Variants in CFAP54 observed in about 807,000 individuals in gnomAD.
The protein encoded by CFAP54 is cilia and flagella associated protein 54.
In CFAP54, 290 loss-of-function variants were observed where a neutral mutation model predicts 370.4. That is an observed-to-expected ratio of 0.78 (90% CI 0.71 to 0.86). The LOEUF is 0.86. Ranked by LOEUF, CFAP54 falls within the 40% of genes least tolerant of loss-of-function variation. The probability of loss-of-function intolerance (pLI) is 0.00; values close to 1 mark genes in which losing one functional copy is unlikely to be tolerated. For synonymous variants in CFAP54, 1,206 were observed against 1,236.5 expected, an observed-to-expected ratio of 0.98 and a Z score of 0.52; for missense variants, 3,399 against 3,528.7, an observed-to-expected ratio of 0.96 and a Z score of 0.93.
At chr12:96,548,512 A>G (rs1592845312) in intron 15 of CFAP54, among the ~76,000 whole-genome samples, 1 of 152,108 alleles carries the variant, frequency 6.6e-6, no homozygotes, top group South Asian at 2.1e-4. Context: ...GTCCTAAGAA[A>G]TGGTACCAGT....
chr12:96,679,771 ATC>A lies in CFAP54; in HGVS notation c.5716+23_5716+24del. The A allele has an allele frequency of 6.2e-7, 1 of 1,608,418 alleles. No homozygotes were observed. The highest frequency in any genetic ancestry group is 8.5e-7 in the Non-Finnish European group (1 of 1,176,794). On this transcript the variant is annotated intron_variant, in intron 40 of 67. Coordinates refer to ENST00000524981, the MANE Select transcript of CFAP54 (RefSeq NM_001306084.2). ...ACACAAGGTAAAATGCATGTTCTGT[ATC>A]TCTGAATCTTTCTTTATGTGGGGTG...
chr12:96,605,570 G>A (rs950862531), intron 26 of CFAP54, among the ~76,000 whole-genome samples: 4 of 152,230 alleles, frequency 2.6e-5, no homozygotes, highest in South Asian at 2.1e-4. Context: ...ATAGGCAAGA[G>A]TGTGGTCAGA....
intron 67 of CFAP54, among the ~76,000 whole-genome samples, chr12:96,863,440 G>T (rs1959928055): frequency 6.6e-6 from 1 of 152,098 alleles, no homozygotes; most frequent in Non-Finnish European, 1.5e-5. Flanking sequence ...AAAACATAAG[G>T]CAGTTAAATA....
intron 25 of CFAP54, among the ~76,000 whole-genome samples, chr12:96,598,018 CA>C (rs951092165): frequency 1.3e-5 from 2 of 151,802 alleles, no homozygotes; most frequent in African/African-American, 4.8e-5. Flanking sequence ...AATGTGCCCC[CA>C]AAGAACCAAC....
intron 14 of CFAP54, among the ~76,000 whole-genome samples, chr12:96,544,511 A>G (rs1316307911): frequency 6.6e-6 from 1 of 151,866 alleles, no homozygotes; most frequent in African/African-American, 2.4e-5. Flanking sequence ...AACTGAAAAT[A>G]TACTCTAATC....
At chr12:96,836,346 TAA>T (rs1959186183) in intron 66 of CFAP54, among the ~76,000 whole-genome samples, 1 of 152,196 alleles carries the variant, frequency 6.6e-6, no homozygotes, top group African/African-American at 2.4e-5. Context: ...CACTGAAATG[TAA>T]AAGTCATAAA....
At chr12:96,636,212 G>C (rs532656581) in intron 32 of CFAP54, among the ~76,000 whole-genome samples, 7 of 152,238 alleles carry the variant, frequency 4.6e-5, no homozygotes, top group Non-Finnish European at 7.4e-5. Flanking sequence ...GAAACCAGGG[G>C]ACAGGTACCA....
chr12:96,784,580 C>A, intron 60 of CFAP54, 137 bp from the exon 61 acceptor site: 1 of 584,918 alleles, frequency 1.7e-6, no homozygotes, highest in African/African-American at 1.9e-5. Flanking sequence ...CTGCATGATA[C>A]AAAAGACTTT....
rs564258099 is a variant in CFAP54, at chr12:96,495,463, T to C, written c.318-5371T>C. 1.5e-3 allele frequency among the ~76,000 whole-genome samples: 231 copies of C among 150,148 alleles called. 1 individual carries two copies. Among genetic ancestry groups the C allele is most frequent in the African/African-American group, 5.4e-3 (222 of 40,892 alleles). ...CGTTGGTAGCTGGACTATAGGTGCA[T>C]GTCACCACGCCCGGCTAATTTTTGT... is the stretch of plus-strand genomic sequence containing the variant. On this transcript the variant is annotated intron_variant, in intron 1 of 67. Coordinates refer to ENST00000524981, the MANE Select transcript of CFAP54 (RefSeq NM_001306084.2).
At chr12:96,672,566 G>A (rs1957160028) in intron 39 of CFAP54, among the ~76,000 whole-genome samples, 2 of 152,170 alleles carry the variant, frequency 1.3e-5, no homozygotes, top group Non-Finnish European at 2.9e-5. Flanking sequence ...TGAATTTGTA[G>A]GTGTTACTGC....
intron 45 of CFAP54, among the ~76,000 whole-genome samples, chr12:96,697,382 A>G (rs1204456580): frequency 2.6e-5 from 4 of 152,118 alleles, no homozygotes; most frequent in South Asian, 4.1e-4. Flanking sequence ...GAAAGAGTTT[A>G]TGTGTCTCCC....
In CFAP54 at chr12:96,727,908, A is replaced by T. The variant is rs9668007; in HGVS notation, c.6965+7343A>T. ...ATCTCTCAGCATTTGCTTGTCTGTAAAGGATTTTATTTCTCCTTCACTTAT... is the reference window on the plus strand; with the variant it reads ...ATCTCTCAGCATTTGCTTGTCTGTATAGGATTTTATTTCTCCTTCACTTAT... On this transcript the variant is annotated intron_variant, in intron 50 of 67. Coordinates refer to ENST00000524981, the MANE Select transcript of CFAP54 (RefSeq NM_001306084.2). 8.3e-3 allele frequency among the ~76,000 whole-genome samples: 1,245 copies of T among 150,588 alleles called. 25 individuals carry two copies. The highest frequency in any genetic ancestry group is 0.029 in the African/African-American group (1,199 of 40,736).
intron 42 of CFAP54, among the ~76,000 whole-genome samples, 200 bp downstream of exon 42, chr12:96,685,438 C>G (rs1007969485): frequency 6.6e-6 from 1 of 152,174 alleles, no homozygotes; most frequent in Admixed American, 6.6e-5. Flanking sequence ...TAACACAACT[C>G]TTGCCCCAAA....
chr12:96,703,065 T>A (rs368205051), intron 46 of CFAP54, among the ~76,000 whole-genome samples: 3 of 152,186 alleles, frequency 2.0e-5, no homozygotes, highest in African/African-American at 4.8e-5. Flanking sequence ...TAATAAAGAA[T>A]ATCTTCAAAG....
intron 24 of CFAP54, among the ~76,000 whole-genome samples, chr12:96,593,905 A>G (rs1956150109): frequency 1.3e-5 from 2 of 152,190 alleles, no homozygotes; most frequent in South Asian, 4.1e-4. Context: ...CAAATCAAAA[A>G]AGGAAATGAG....
intron 14 of CFAP54, among the ~76,000 whole-genome samples, chr12:96,546,197 C>T (rs1036964323): frequency 6.6e-6 from 1 of 152,158 alleles, no homozygotes; most frequent in African/African-American, 2.4e-5. Flanking sequence ...TGATCTGACT[C>T]TATCTGCAAG....
intron 32 of CFAP54, 56 bp downstream of exon 32, chr12:96,630,707 G>A: frequency 8.5e-7 from 1 of 1,176,164 alleles, no homozygotes; most frequent in Non-Finnish European, 1.1e-6. Context: ...CTATGTGTTG[G>A]GCATTATTTT....
chr12:96,712,956 T>C (rs1957631462), intron 48 of CFAP54, among the ~76,000 whole-genome samples: 1 of 151,978 alleles, frequency 6.6e-6, no homozygotes, highest in African/African-American at 2.4e-5. Context: ...TCACTAATAA[T>C]CAGGAAAATG....
intron 39 of CFAP54, among the ~76,000 whole-genome samples, chr12:96,674,785 A>T (rs888722878): frequency 3.3e-5 from 5 of 152,142 alleles, no homozygotes; most frequent in Non-Finnish European, 4.4e-5. Context: ...TGTTTTGTTC[A>T]CTTGTGTCTC....
Sources: gnomAD v4.1 joint callset for allele counts (sites outside exome capture counted in the v4.1 genomes callset) on GRCh38, gnomAD v4.1.1 for gene constraint, MANE v1.5 for transcripts, NCBI Gene and HGNC (gene_info 2026-07-23, HGNC 2026-07-21) for gene names.